GRID1: variants seen among roughly 807,000 people sequenced by gnomAD.
GRID1 encodes glutamate receptor ionotropic, delta-1.
GRID1 carries 28 observed loss-of-function variants against 98.0 expected under a neutral mutation model. The observed-to-expected ratio is 0.29, with a 90% CI of 0.21 to 0.39. GRID1 has a LOEUF of 0.39. Ranked by LOEUF, GRID1 falls within the 10% of genes least tolerant of loss-of-function variation. GRID1 has a pLI of 1.00. For synonymous variants in GRID1, 553 were observed against 538.5 expected (o/e 1.03, Z -0.37); for missense variants, 1,111 against 1,340.5 (o/e 0.83, Z 2.67).
chr10:85,662,353 C>T (rs1840974768), intron 12 of GRID1, among the ~76,000 whole-genome samples: 1 of 152,154 alleles, frequency 6.6e-6, no homozygotes, highest in South Asian at 2.1e-4. Flanking sequence ...AGCAAAAGGA[C>T]CAGAGGGTGC....
chr10:85,711,872 G>C (rs980715489), intron 12 of GRID1, among the ~76,000 whole-genome samples: 2 of 151,684 alleles, frequency 1.3e-5, no homozygotes, highest in Admixed American at 1.3e-4. Context: ...AGGTGGAACA[G>C]AACTATATAA....
intron 8 of GRID1, among the ~76,000 whole-genome samples, chr10:85,840,937 T>A (rs1842955612): frequency 6.6e-6 from 1 of 152,138 alleles, no homozygotes; most frequent in Non-Finnish European, 1.5e-5. Context: ...AGATTCAATG[T>A]TATTCCTATT....
chr10:85,999,175 G>A (rs1375723246), intron 4 of GRID1, among the ~76,000 whole-genome samples: 2 of 146,810 alleles, frequency 1.4e-5, no homozygotes, highest in Non-Finnish European at 3.0e-5. Context: ...TTGTGCCACT[G>A]CACTCCAGCC....
intron 6 of GRID1, among the ~76,000 whole-genome samples, chr10:85,868,259 A>G (rs911495063): frequency 6.6e-6 from 1 of 152,178 alleles, no homozygotes; most frequent in Non-Finnish European, 1.5e-5. Flanking sequence ...TTTCTGAGGC[A>G]CCACATTCCT....
At chr10:85,805,512 A>G (rs1255653452) in intron 8 of GRID1, among the ~76,000 whole-genome samples, 2 of 151,924 alleles carry the variant, frequency 1.3e-5, no homozygotes, top group Non-Finnish European at 2.9e-5. Context: ...GTGATTCTAA[A>G]AATTTAAAGG....
intron 3 of GRID1, among the ~76,000 whole-genome samples, chr10:86,148,651 CAT>C (rs1002628564): frequency 2.4e-4 from 37 of 152,190 alleles, no homozygotes; most frequent in African/African-American, 8.4e-4. Context: ...TGAGATAATG[CAT>C]ATGTTGATTA....
rs951642372 is a variant in GRID1 at position 86,203,956 on chromosome 10, A to G, written c.520+2408T>C. On this transcript the variant is annotated intron_variant, in intron 3 of 15. Transcript: ENST00000327946. The stretch of plus-strand genomic sequence containing the variant: ...CCAGCTGCAGTGGTCCTCCAGATGA[A>G]AGCTACTGGTCACTTGGCGACTTTA... Among the ~76,000 whole-genome samples the G allele has an allele frequency of 3.9e-5, 6 of 152,128 alleles. No homozygotes were observed. The East Asian group carries it at 1.2e-3, about 29-fold the overall frequency.
intron 2 of GRID1, among the ~76,000 whole-genome samples, chr10:86,246,226 T>C (rs1846724306): frequency 6.6e-6 from 1 of 152,162 alleles, no homozygotes; most frequent in Admixed American, 6.5e-5. Context: ...TCCCCTCAGC[T>C]GCACTCACCG....
At chr10:86,168,066 T>A (rs1845426950) in intron 3 of GRID1, among the ~76,000 whole-genome samples, 1 of 152,162 alleles carries the variant, frequency 6.6e-6, no homozygotes, top group Admixed American at 6.5e-5. Context: ...AGACATGGCA[T>A]CAGTGGTTTG....
intron 8 of GRID1, among the ~76,000 whole-genome samples, chr10:85,847,768 TA>T (rs1564608594): frequency 6.6e-6 from 1 of 151,884 alleles, no homozygotes; most frequent in Non-Finnish European, 1.5e-5. Context: ...GAGTAAACAG[TA>T]TCTACTTTGT....
chr10:86,165,094 A>G (rs996568475), intron 3 of GRID1, among the ~76,000 whole-genome samples: 4 of 152,136 alleles, frequency 2.6e-5, no homozygotes, highest in African/African-American at 7.2e-5. Context: ...CAGGACGAAC[A>G]GTCATGGAGC....
chr10:85,802,526 C>G (rs927894511), intron 8 of GRID1, among the ~76,000 whole-genome samples: 8 of 151,822 alleles, frequency 5.3e-5, no homozygotes, highest in African/African-American at 1.9e-4. Flanking sequence ...TTATTCGTAA[C>G]CTTTTAAAAA....
chr10:86,195,643 G>T lies in GRID1; in HGVS notation c.520+10721C>A, dbSNP rs1373282685. 6.6e-6 allele frequency among the ~76,000 whole-genome samples: 1 copy of T among 152,126 alleles called. No individual in the cohort carries two copies. The highest frequency in any genetic ancestry group is 1.9e-4 in the East Asian group (1 of 5,192). On this transcript the variant is annotated intron_variant, in intron 3 of 15. Coordinates refer to ENST00000327946, the MANE Select transcript of GRID1 (RefSeq NM_017551.3). The surrounding 1 kb of genome is among the most constrained non-coding windows in gnomAD (Gnocchi z 4.4). ...GGGGGTTGGCAGCAAACAAGCCCCC[G>T]CGGCGACCACGCCATCAGGTGGGTA...
At chr10:85,827,163 T>C (rs140796839) in intron 8 of GRID1, among the ~76,000 whole-genome samples, 10 of 152,172 alleles carry the variant, frequency 6.6e-5, no homozygotes, top group African/African-American at 2.4e-4. Context: ...ATTCAGAATA[T>C]GGATAGGAAT....
Position 86,366,371 on chromosome 10 carries a change from G to A in GRID1, c.22C>T (p.Leu8Phe). The change falls in exon 1 of 16, where the codon CTT becomes TTT. Residue 8 changes from leucine (L) to phenylalanine (F), a missense_variant. By Grantham distance (22) the Leu-to-Phe change is conservative. Transcript: ENST00000327946. The surrounding 1 kb of genome is among the most constrained non-coding windows in gnomAD (Gnocchi z 4.1). ...ACGCACTGGCATATCCAGGGGAGAA[G>A]CCACAGCGTCAGCGCTTCCATGTCC... MEALTLW[L>F]LPWICQCVSV... 6.6e-7 allele frequency: 1 copy of A among 1,517,116 alleles called. No individual in the cohort carries two copies. The highest frequency in any genetic ancestry group is 8.8e-7 in the Non-Finnish European group (1 of 1,130,278). 94.0% of individuals were successfully genotyped at this position (1,517,116 alleles called of 1,614,324 possible).
At chr10:85,684,795 A>G (rs1340899215) in intron 12 of GRID1, among the ~76,000 whole-genome samples, 1 of 152,222 alleles carries the variant, frequency 6.6e-6, no homozygotes, top group East Asian at 1.9e-4. Context: ...GTCCAAGATC[A>G]GGGTGCTAGC....
chr10:86,050,526 G>A (rs931384914), intron 4 of GRID1, among the ~76,000 whole-genome samples: 1 of 152,046 alleles, frequency 6.6e-6, no homozygotes, highest in Non-Finnish European at 1.5e-5. Context: ...AATATTAAAA[G>A]GTCAGTAATT....
At chr10:85,950,572 G>C (rs978566117) in intron 4 of GRID1, among the ~76,000 whole-genome samples, 1 of 152,132 alleles carries the variant, frequency 6.6e-6, no homozygotes, top group Non-Finnish European at 1.5e-5. Flanking sequence ...GAGCAGAGGG[G>C]GAGAACATCT....
intron 8 of GRID1, among the ~76,000 whole-genome samples, chr10:85,837,431 T>C (rs1275271320): frequency 6.6e-6 from 1 of 152,130 alleles, no homozygotes; most frequent in East Asian, 1.9e-4. Context: ...TGTCGCACCT[T>C]GGCATCCCCA....
Sources: gnomAD v4.1 joint callset for allele counts (sites outside exome capture counted in the v4.1 genomes callset) on GRCh38, gnomAD v4.1.1 for gene constraint, Gnocchi (gnomAD v3.1) non-coding constraint, MANE v1.5 for transcripts, NCBI Gene and HGNC (gene_info 2026-07-23, HGNC 2026-07-21) for gene names.